The following PRKAR1B variants were observed in gnomAD, a reference collection of about 807,000 sequenced individuals.
The protein encoded by PRKAR1B is protein kinase cAMP-dependent type I regulatory subunit beta.
PRKAR1B carries 22 observed loss-of-function variants against 46.5 expected under a neutral mutation model. The observed-to-expected ratio is 0.47, with a 90% confidence interval of 0.34 to 0.68. The LOEUF (loss-of-function observed/expected upper bound fraction) is 0.68. Among genes scored for constraint, PRKAR1B ranks in the 30% least tolerant of loss-of-function variants. The pLI is 0.01. For synonymous variants in PRKAR1B, 259 were observed against 217.7 expected, an observed-to-expected ratio of 1.19 and a Z score of -1.67; for missense variants, 445 against 535.6, an observed-to-expected ratio of 0.83 and a Z score of 1.67.
chr7:595,912 G>A (rs1781244813), intron 7 of PRKAR1B, among the ~76,000 whole-genome samples: 1 of 152,174 alleles, frequency 6.6e-6, no homozygotes, highest in South Asian at 2.1e-4. Context: ...CCACAGTCCA[G>A]ACAGTGGGAA....
intron 4 of PRKAR1B, among the ~76,000 whole-genome samples, chr7:673,784 C>A (rs1786423005): frequency 6.6e-6 from 1 of 152,208 alleles, no homozygotes; most frequent in African/African-American, 2.4e-5. Context: ...CCTGAAACAA[C>A]AGAAACGTAT....
intron 2 of PRKAR1B, among the ~76,000 whole-genome samples, chr7:694,094 C>CT (rs1182770509): frequency 6.6e-6 from 1 of 152,030 alleles, no homozygotes; most frequent in African/African-American, 2.4e-5. Context: ...ACCATCCTGG[C>CT]TAACACGGTA....
chr7:662,965 T>A (rs1021332721), intron 4 of PRKAR1B, among the ~76,000 whole-genome samples: 1 of 152,166 alleles, frequency 6.6e-6, no homozygotes. Flanking sequence ...TCAAACAGAC[T>A]GAAACCCAGA....
chr7:706,720 C>T (rs564062807), intron 2 of PRKAR1B, among the ~76,000 whole-genome samples: 5 of 152,078 alleles, frequency 3.3e-5, no homozygotes, highest in South Asian at 2.1e-4. Flanking sequence ...CCACCGCGCC[C>T]GGCCCAAATA....
At chr7:601,882 CG>C (rs924651043) in intron 6 of PRKAR1B, among the ~76,000 whole-genome samples, 5 of 102,160 alleles carry the variant, frequency 4.9e-5, no homozygotes, top group African/African-American at 1.5e-4. Context: ...GTGCCTGACC[CG>C]GGGGGGCTGG....
At chr7:703,519 G>T (rs1025257080) in intron 2 of PRKAR1B, among the ~76,000 whole-genome samples, 1 of 152,050 alleles carries the variant, frequency 6.6e-6, no homozygotes, top group Non-Finnish European at 1.5e-5. Flanking sequence ...AGCTGGGCGT[G>T]GTGGCAGACG....
chr7:664,048 A>T (rs1259844238), intron 4 of PRKAR1B, among the ~76,000 whole-genome samples: 3 of 152,114 alleles, frequency 2.0e-5, no homozygotes, highest in Non-Finnish European at 4.4e-5. Context: ...TTTGTATTAC[A>T]AGGAGCCCCA....
chr7:699,773 G>A (rs1162908055), intron 2 of PRKAR1B, among the ~76,000 whole-genome samples: 1 of 152,220 alleles, frequency 6.6e-6, no homozygotes, highest in Non-Finnish European at 1.5e-5. Flanking sequence ...GAGGCAAGCA[G>A]GAGCCAGACC....
chr7:634,265 G>A (rs1295931158), intron 4 of PRKAR1B, among the ~76,000 whole-genome samples: 5 of 151,688 alleles, frequency 3.3e-5, no homozygotes, highest in East Asian at 2.0e-4. Context: ...CTTGTGATCC[G>A]CCCGCCTCAG....
intron 9 of PRKAR1B, among the ~76,000 whole-genome samples, chr7:575,109 C>T (rs940723938): frequency 2.5e-4 from 38 of 152,296 alleles, no homozygotes; most frequent in Non-Finnish European, 2.9e-5. Flanking sequence ...CTTCACAGTT[C>T]GGGGGTTGGA....
chr7:668,900 T>G (rs578218294), intron 4 of PRKAR1B, among the ~76,000 whole-genome samples: 3 of 152,014 alleles, frequency 2.0e-5, no homozygotes, highest in Non-Finnish European at 4.4e-5. Flanking sequence ...GGCTCTGAGT[T>G]CGGTCAGGCT....
chr7:722,565 T>TTTCA (rs1781112536), intron 1 of PRKAR1B, among the ~76,000 whole-genome samples: 2 of 151,668 alleles, frequency 1.3e-5, no homozygotes, highest in Admixed American at 1.3e-4. Flanking sequence ...AGAGATGGGG[T>TTTCA]TTCACCATGT....
At chr7:564,038 G>A (rs2128428223) in intron 9 of PRKAR1B, among the ~76,000 whole-genome samples, 1 of 152,160 alleles carries the variant, frequency 6.6e-6, no homozygotes, top group African/African-American at 2.4e-5. Context: ...GCCCCCCTCT[G>A]CCCGCTCCCC....
chr7:631,711 T>C (rs75241504), intron 4 of PRKAR1B, among the ~76,000 whole-genome samples: 1 of 151,908 alleles, frequency 6.6e-6, no homozygotes, highest in East Asian at 1.9e-4. Flanking sequence ...CCCCGCACTT[T>C]GGGAGTCCGA....
intron 5 of PRKAR1B, 79 bp from the exon 6 acceptor site, chr7:606,318 C>T (rs1349701058): frequency 2.5e-5 from 34 of 1,384,540 alleles, no homozygotes; most frequent in South Asian, 9.5e-5. Context: ...AAACGACTTT[C>T]GCAACACTGT....
intron 2 of PRKAR1B, among the ~76,000 whole-genome samples, chr7:694,662 A>T (rs1779625615): frequency 6.6e-6 from 1 of 152,132 alleles, no homozygotes. Context: ...GAGAGCTCAC[A>T]TCACGTGTTC....
At chr7:635,937 C>T (rs1448096448) in intron 4 of PRKAR1B, among the ~76,000 whole-genome samples, 3 of 148,098 alleles carry the variant, frequency 2.0e-5, no homozygotes, top group South Asian at 2.1e-4. Context: ...CAGCACCGCG[C>T]CCACACATCC....
chr7:699,918 C>T (rs925208906), intron 2 of PRKAR1B, among the ~76,000 whole-genome samples: 2 of 152,008 alleles, frequency 1.3e-5, no homozygotes, highest in African/African-American at 2.4e-5. Flanking sequence ...AAATGGAGCT[C>T]GAGGCCCGAT....
chr7:725,169 G>A lies in PRKAR1B; in HGVS notation c.-23+2041C>T, dbSNP rs545872891. ...GCAGAGTCTGCAGTGAGCGGAGATC[G>A]CGCCACTGCACTCCAGGCTGGGCGA... On this transcript the variant is annotated intron_variant, in intron 1 of 10. Transcript: ENST00000537384. Among the ~76,000 whole-genome samples the A allele has an allele frequency of 6.7e-5, 10 of 150,208 alleles. No individual in the cohort carries two copies. In the Middle Eastern group the frequency reaches 0.01, roughly 155 times the overall value.
Sources: gnomAD v4.1 joint callset for allele counts (sites outside exome capture counted in the v4.1 genomes callset) on GRCh38, gnomAD v4.1.1 for gene constraint, MANE v1.5 for transcripts, NCBI Gene and HGNC (gene_info 2026-07-23, HGNC 2026-07-21) for gene names.